Variants in FKBP5 observed in about 807,000 individuals in gnomAD.
FKBP5 encodes the protein FKBP prolyl isomerase 5, also known as peptidyl-prolyl cis-trans isomerase FKBP5.
A neutral mutation model predicts 50.5 loss-of-function variants in FKBP5; 23 were observed. That is an observed-to-expected ratio of 0.46 (90% CI 0.33 to 0.65). The LOEUF (loss-of-function observed/expected upper bound fraction) is 0.65, where lower values mean the gene tolerates loss of function less well. FKBP5 is among the 30% of genes least tolerant of loss of function. The probability of loss-of-function intolerance (pLI) is 0.02; values close to 1 mark genes in which losing one functional copy is unlikely to be tolerated. For synonymous variants in FKBP5, 176 were observed against 190.6 expected (o/e 0.92, Z 0.63); for missense variants, 411 against 553.1 (o/e 0.74, Z 2.58).
intron 1 of FKBP5, among the ~76,000 whole-genome samples, chr6:35,654,161 C>A (rs929537982): frequency 6.6e-6 from 1 of 152,150 alleles, no homozygotes; most frequent in African/African-American, 2.4e-5. Flanking sequence ...TTGCAGCAAA[C>A]AACCACAGTT....
At chr6:35,576,211 G>A (rs1227560923) in intron 10 of FKBP5, among the ~76,000 whole-genome samples, 2 of 152,062 alleles carry the variant, frequency 1.3e-5, no homozygotes, top group Admixed American at 6.5e-5. Context: ...TATGCTGTAG[G>A]GAGGCCGCCC....
chr6:35,630,349 C>A (rs893976895), intron 3 of FKBP5, among the ~76,000 whole-genome samples: 2 of 152,030 alleles, frequency 1.3e-5, no homozygotes, highest in Non-Finnish European at 2.9e-5. Flanking sequence ...GAGATTGAGA[C>A]CATCCTCGCC....
chr6:35,705,042 G>A (rs1212115732), intron 2 of FKBP5, among the ~76,000 whole-genome samples: 1 of 150,888 alleles, frequency 6.6e-6, no homozygotes, highest in Non-Finnish European at 1.5e-5. Flanking sequence ...TCAGGAGGCT[G>A]AGGCAAGAGA....
upstream of FKBP5, among the ~76,000 whole-genome samples, chr6:35,693,717 C>T (rs1766038263): frequency 6.6e-6 from 1 of 151,384 alleles, no homozygotes; most frequent in Middle Eastern, 3.2e-3. Flanking sequence ...GACAGGGTTT[C>T]GCCATGTTGG....
Position 35,662,715 on chromosome 6 carries a change from G to A in FKBP5, c.-19-19872C>T, listed in dbSNP as rs553437164. 1.4e-3 allele frequency among the ~76,000 whole-genome samples: 206 copies of A among 152,182 alleles called. 1 individual carries two copies. Among genetic ancestry groups the A allele is most frequent in the African/African-American group, 4.8e-3 (200 of 41,508 alleles). On this transcript the variant is annotated intron_variant, in intron 1 of 10. Transcript: ENST00000357266. ...ATCATAATTACAGTAAATTTGTTTTGTTAATAGGAACTCATTTTAATTGTG... is the reference window on the plus strand; with the variant it reads ...ATCATAATTACAGTAAATTTGTTTTATTAATAGGAACTCATTTTAATTGTG...
Position 35,574,410 on chromosome 6 carries a change from A to G in FKBP5, c.*1425T>C, listed in dbSNP as rs1385821788. ...TCCTTGGGTTGCCAAATGCATTCCC[A>G]TGAGTGTTTCTTAGGCTGAGGGAAT... On this transcript the variant is annotated 3_prime_UTR_variant, in exon 11 of 11. Transcript: ENST00000357266. 6.6e-6 allele frequency: 1 copy of G among 152,370 alleles called. No homozygotes were observed. The highest frequency in any genetic ancestry group is 2.1e-4 in the South Asian group (1 of 4,834). The allele number at this position is 152,370 out of a possible 1,614,324, so 9.4% of individuals were successfully genotyped here. A position where few individuals can be genotyped will look rare whatever the true frequency, so the allele number is the denominator to read the frequency against.
At chr6:35,581,604 A>G (rs1467289136) in intron 8 of FKBP5, 9 of 985,246 alleles carry the variant, frequency 9.1e-6, no homozygotes, top group Non-Finnish European at 1.1e-5. Flanking sequence ...AAACAAAACA[A>G]AACAAAACAA....
chr6:35,582,639 C>T, intron 8 of FKBP5: 6 of 981,940 alleles, frequency 6.1e-6, no homozygotes, highest in Non-Finnish European at 7.3e-6. Flanking sequence ...TTGAAGCCAC[C>T]CAGTGTATGG....
Position 35,671,303 on chromosome 6 carries a change from G to A in FKBP5, c.-20+17501C>T, listed in dbSNP as rs139829031. 7.0e-3 allele frequency among the ~76,000 whole-genome samples: 1,050 copies of A among 150,890 alleles called. 11 individuals are homozygous for A. Among genetic ancestry groups the A allele is most frequent in the African/African-American group, 0.022 (905 of 41,290 alleles). On this transcript the variant is annotated intron_variant, in intron 1 of 10. Coordinates refer to ENST00000357266, the MANE Select transcript of FKBP5 (RefSeq NM_004117.4). ...ATAATAAATAAATAAACAAAAACAA[G>A]TTAAAAGAAACTACAATCCAAACTG...
chr6:35,704,722 C>A (rs1308890287), intron 2 of FKBP5, among the ~76,000 whole-genome samples: 1 of 148,436 alleles, frequency 6.7e-6, no homozygotes, highest in Non-Finnish European at 1.5e-5. Flanking sequence ...TTTTTTTTTG[C>A]CTTGACAAAC....
chr6:35,601,486 A>G (rs1420461828), intron 5 of FKBP5, among the ~76,000 whole-genome samples: 1 of 152,220 alleles, frequency 6.6e-6, no homozygotes, highest in Non-Finnish European at 1.5e-5. Context: ...TGATTGCCAC[A>G]GTAGGGGCCC....
chr6:35,700,723 C>T (rs186976823), intron 2 of FKBP5, among the ~76,000 whole-genome samples: 80 of 152,228 alleles, frequency 5.3e-4, no homozygotes, highest in African/African-American at 1.9e-3. Flanking sequence ...TTTGGGAGGC[C>T]GAGGTGGGCG....
intron 8 of FKBP5, chr6:35,581,171 G>T: frequency 1.0e-6 from 1 of 982,452 alleles, no homozygotes; most frequent in Non-Finnish European, 1.2e-6. Context: ...ATGGGAATAT[G>T]AATAGTTGGA....
At chr6:35,619,765 A>G (rs1561861131) in intron 4 of FKBP5, among the ~76,000 whole-genome samples, 1 of 152,198 alleles carries the variant, frequency 6.6e-6, no homozygotes, top group Non-Finnish European at 1.5e-5. Context: ...AATTTTTATA[A>G]TATGTAAATA....
intron 1 of FKBP5, among the ~76,000 whole-genome samples, chr6:35,666,851 C>T (rs554581621): frequency 1.3e-5 from 2 of 152,130 alleles, no homozygotes; most frequent in African/African-American, 4.8e-5. Context: ...CCACTGCACT[C>T]CAGCCTGGGC....
At chr6:35,645,440 TA>T (rs1182656689) in intron 1 of FKBP5, among the ~76,000 whole-genome samples, 1 of 151,622 alleles carries the variant, frequency 6.6e-6, no homozygotes, top group Non-Finnish European at 1.5e-5. Context: ...TCTTAAAAGA[TA>T]AAAAAAGAGA....
At position 35,701,538 on chromosome 6, in the gene FKBP5, C is replaced by T. The variant is rs184867022; in HGVS notation, c.-20+18790G>A. 2.1e-4 allele frequency among the ~76,000 whole-genome samples: 31 copies of T among 150,948 alleles called. No individual in the cohort carries two copies. The East Asian group carries it at 4.2e-3, about 20-fold the overall frequency. On this transcript the variant is annotated intron_variant, in intron 2 of 11. Coordinates refer to the FKBP5 transcript ENST00000536438. ...GATTACAGGCGTGAGCCACCACGCC[C>T]GGCCTGTTTGTTTGTTTTTTGAGAC...
At chr6:35,648,415 T>C (rs1469264572) in intron 1 of FKBP5, among the ~76,000 whole-genome samples, 2 of 151,818 alleles carry the variant, frequency 1.3e-5, no homozygotes, top group African/African-American at 2.4e-5. Flanking sequence ...ACTATAGACA[T>C]GTGCCACCAC....
intron 8 of FKBP5, chr6:35,584,162 A>G: frequency 1.0e-6 from 1 of 985,472 alleles, no homozygotes; most frequent in Non-Finnish European, 1.2e-6. Flanking sequence ...ACTCGCTTGC[A>G]CAATGCCTGG....
Sources: allele counts gnomAD v4.1 joint callset (sites outside exome capture counted in the v4.1 genomes callset), GRCh38; gene constraint gnomAD v4.1.1; transcripts MANE v1.5; gene names NCBI Gene and HGNC (gene_info 2026-07-23, HGNC 2026-07-21).